Variants in WWOX observed in about 807,000 individuals in gnomAD.
WWOX encodes the protein WW domain containing oxidoreductase.
A neutral mutation model predicts 46.2 loss-of-function variants in WWOX; 69 were observed. That is an observed-to-expected ratio of 1.49 (90% CI 1.23 to 1.82). The LOEUF is 1.82. Ranked by LOEUF, WWOX falls within the 40% of genes most tolerant of loss-of-function variation. WWOX has a pLI of 0.00. For synonymous variants in WWOX, 359 were observed against 202.6 expected (o/e 1.77, Z -6.56); for missense variants, 919 against 542.6 (o/e 1.69, Z -6.89).
At position 78,927,939 on chromosome 16, in the gene WWOX, A is replaced by G. The variant is rs188335828; in HGVS notation, c.1057-283669A>G. Among the ~76,000 whole-genome samples, 212 of 152,102 alleles carry G rather than the reference A, an allele frequency of 1.4e-3. 1 individual carries two copies. The highest frequency in any genetic ancestry group is 2.1e-3 in the Non-Finnish European group (146 of 67,996). On this transcript the variant is annotated intron_variant, in intron 8 of 8. Transcript: ENST00000566780. ...ATTCCTTTTGCTTAAGTTTGCAGAG[A>G]TTTGTGCTTAAAACTGAATAAACAA... is the stretch of plus-strand genomic sequence containing the variant.
chr16:78,923,808 T>C (rs1027536209), intron 8 of WWOX, among the ~76,000 whole-genome samples: 1 of 144,816 alleles, frequency 6.9e-6, no homozygotes, highest in Non-Finnish European at 1.5e-5. Flanking sequence ...TTTTTTTTTT[T>C]TTTTTTTTTC....
At chr16:78,224,099 G>A (rs940226433) in intron 5 of WWOX, among the ~76,000 whole-genome samples, 9 of 152,092 alleles carry the variant, frequency 5.9e-5, no homozygotes, top group African/African-American at 1.9e-4. Context: ...CGTCTCCTGG[G>A]TTCACACCAT....
chr16:78,479,399 G>C (rs188820504), intron 8 of WWOX, among the ~76,000 whole-genome samples: 162 of 152,290 alleles, frequency 1.1e-3, no homozygotes, highest in African/African-American at 3.8e-3. Context: ...TTTAGAGAAT[G>C]CTTTCATTGT....
At chr16:78,470,450 C>T (rs936731786) in intron 8 of WWOX, among the ~76,000 whole-genome samples, 1 of 152,198 alleles carries the variant, frequency 6.6e-6, no homozygotes, top group African/African-American at 2.4e-5. Flanking sequence ...AAGCATGCTT[C>T]CTTCCCTCTA....
At chr16:78,373,500 C>T (rs1012263799) in intron 5 of WWOX, among the ~76,000 whole-genome samples, 3 of 152,186 alleles carry the variant, frequency 2.0e-5, no homozygotes, top group African/African-American at 7.2e-5. Context: ...TATCTCACCT[C>T]AATGCAGTGT....
intron 8 of WWOX, among the ~76,000 whole-genome samples, chr16:78,736,904 C>A (rs865994214): frequency 6.6e-6 from 1 of 152,012 alleles, no homozygotes; most frequent in Non-Finnish European, 1.5e-5. Flanking sequence ...GCAATGTGCC[C>A]GGCCCACAAT....
chr16:78,227,802 G>T (rs892464967), intron 5 of WWOX, among the ~76,000 whole-genome samples: 2 of 152,096 alleles, frequency 1.3e-5, no homozygotes, highest in Admixed American at 6.5e-5. Flanking sequence ...GCTTGAACTC[G>T]GGAGGCGGAG....
At chr16:78,974,955 A>G (rs1936572812) in intron 8 of WWOX, among the ~76,000 whole-genome samples, 2 of 152,154 alleles carry the variant, frequency 1.3e-5, no homozygotes, top group Admixed American at 6.5e-5. Flanking sequence ...TCCGGACCCA[A>G]AGGGAGATGG....
At chr16:78,178,569 T>C (rs2035424745) in intron 5 of WWOX, among the ~76,000 whole-genome samples, 1 of 152,098 alleles carries the variant, frequency 6.6e-6, no homozygotes. Flanking sequence ...TAGTGACATT[T>C]AAAAATAGAT....
At chr16:78,915,195 A>AT (rs1379856861) in intron 8 of WWOX, among the ~76,000 whole-genome samples, 1 of 152,038 alleles carries the variant, frequency 6.6e-6, no homozygotes, top group East Asian at 1.9e-4. Flanking sequence ...ACCACCACTC[A>AT]CCCCAAATCA....
intron 8 of WWOX, among the ~76,000 whole-genome samples, chr16:78,913,154 G>T (rs1369186204): frequency 6.6e-6 from 1 of 152,036 alleles, no homozygotes; most frequent in Non-Finnish European, 1.5e-5. Context: ...GATCATGGCA[G>T]TTGCTGTCGC....
chr16:78,740,494 C>A (rs753240619), intron 8 of WWOX, among the ~76,000 whole-genome samples: 7 of 152,170 alleles, frequency 4.6e-5, no homozygotes, highest in Non-Finnish European at 1.0e-4. Flanking sequence ...CCGTTGCCCT[C>A]TGACCATGAG....
At chr16:79,085,585 G>T (rs1430547256) in intron 8 of WWOX, among the ~76,000 whole-genome samples, 1 of 152,084 alleles carries the variant, frequency 6.6e-6, no homozygotes, top group African/African-American at 2.4e-5. Flanking sequence ...TCTACTCAAA[G>T]ACTGACAGGT....
intron 8 of WWOX, among the ~76,000 whole-genome samples, chr16:78,651,221 C>T (rs942203187): frequency 6.6e-6 from 1 of 152,252 alleles, no homozygotes; most frequent in Non-Finnish European, 1.5e-5. Flanking sequence ...TGCCCTCTTT[C>T]ACGTGTGTGC....
At chr16:78,752,171 C>G (rs4887976) in intron 8 of WWOX, among the ~76,000 whole-genome samples, 93,367 of 152,138 alleles carry the variant, frequency 0.61, 28,982 homozygotes, top group South Asian at 0.7. Context: ...TGATTCACTT[C>G]GATGCGTACT....
At chr16:79,013,221 C>T (rs527921223) in intron 8 of WWOX, among the ~76,000 whole-genome samples, 63 of 152,284 alleles carry the variant, frequency 4.1e-4, no homozygotes, top group African/African-American at 1.5e-3. Flanking sequence ...AAGAGGCCTT[C>T]CTCTGTGCAT....
At chr16:78,229,970 C>T (rs1273396418) in intron 5 of WWOX, among the ~76,000 whole-genome samples, 1 of 152,124 alleles carries the variant, frequency 6.6e-6, no homozygotes, top group Non-Finnish European at 1.5e-5. Flanking sequence ...GCCTCGACCT[C>T]TGGGGCTCAA....
At chr16:79,100,554 G>A (rs1567550238) in intron 8 of WWOX, among the ~76,000 whole-genome samples, 1 of 152,132 alleles carries the variant, frequency 6.6e-6, no homozygotes, top group African/African-American at 2.4e-5. Context: ...TGCTTTGATG[G>A]CTCTGCACAG....
At chr16:78,883,249 C>T (rs2044381406) in intron 8 of WWOX, among the ~76,000 whole-genome samples, 1 of 152,272 alleles carries the variant, frequency 6.6e-6, no homozygotes, top group African/African-American at 2.4e-5. Flanking sequence ...CTTCAGCAAG[C>T]TCCTGAACCC....
Sources: allele counts gnomAD v4.1 joint callset (sites outside exome capture counted in the v4.1 genomes callset), GRCh38; gene constraint gnomAD v4.1.1; transcripts MANE v1.5; gene names NCBI Gene and HGNC (gene_info 2026-07-23, HGNC 2026-07-21).